The following LOC400499 variants were observed in gnomAD, a reference collection of about 807,000 sequenced individuals.
At chr16:11,395,547 C>A in the LOC400499 span, among the ~76,000 whole-genome samples, 1 of 152,166 alleles carries the variant, frequency 6.6e-6, no homozygotes. Flanking sequence ...GAAATGGCCA[C>A]GGCTGCTGAA....
chr16:11,399,459 C>T, the LOC400499 span: 3 of 400,570 alleles, frequency 7.5e-6, no homozygotes, highest in Non-Finnish European at 1.3e-5. Context: ...AGACGCTGCT[C>T]CCCTGACCTC....
the LOC400499 span, among the ~76,000 whole-genome samples, chr16:11,521,619 G>A: frequency 6.6e-6 from 1 of 152,168 alleles, no homozygotes; most frequent in Admixed American, 6.5e-5. Flanking sequence ...CACACCCTTG[G>A]ACTTGCAGAC....
At chr16:11,508,572 A>G in the LOC400499 span, 2 of 394,744 alleles carry the variant, frequency 5.1e-6, no homozygotes, top group Non-Finnish European at 4.5e-6. Flanking sequence ...ACAGCTGTGC[A>G]GTGCACAACC....
At chr16:11,411,331 GA>G in the LOC400499 span, 3 of 399,372 alleles carry the variant, frequency 7.5e-6, no homozygotes, top group Non-Finnish European at 1.3e-5. Flanking sequence ...CTCTTTGCTA[GA>G]AGGAAGGAAA....
the LOC400499 span, among the ~76,000 whole-genome samples, chr16:11,520,664 CAAAAAAAA>C: frequency 6.5e-4 from 41 of 63,150 alleles, no homozygotes; most frequent in Admixed American, 2.3e-3. Flanking sequence ...GAGACTCCAT[CAAAAAAAA>C]AAAAAAAAAA....
At chr16:11,386,711 C>T in the LOC400499 span, among the ~76,000 whole-genome samples, 4 of 152,348 alleles carry the variant, frequency 2.6e-5, no homozygotes, top group South Asian at 8.3e-4. Context: ...AAACCGAGTC[C>T]CACAGAGGTT....
the LOC400499 span, among the ~76,000 whole-genome samples, chr16:11,377,164 T>A: frequency 6.6e-6 from 1 of 152,198 alleles, no homozygotes; most frequent in Non-Finnish European, 1.5e-5. Context: ...ACTGTTAGCA[T>A]GTAGAAATGC....
At chr16:11,450,521 C>G in the LOC400499 span, 1 of 1,336,638 alleles carries the variant, frequency 7.5e-7, no homozygotes, top group Non-Finnish European at 1.0e-6. Context: ...TATCTGCCCA[C>G]AGACCTCAGC....
the LOC400499 span, among the ~76,000 whole-genome samples, chr16:11,480,539 G>A: frequency 2.0e-5 from 3 of 152,310 alleles, no homozygotes; most frequent in Middle Eastern, 0.01. Flanking sequence ...AAATGGTTAT[G>A]TAAACTGTGG....
At chr16:11,407,160 C>T in the LOC400499 span, 1 of 398,802 alleles carries the variant, frequency 2.5e-6, no homozygotes, top group Admixed American at 4.4e-5. Context: ...AGAGGCCCCC[C>T]ACCCCAGCGT....
At chr16:11,486,748 G>T in the LOC400499 span, among the ~76,000 whole-genome samples, 1 of 44,396 alleles carries the variant, frequency 2.3e-5, no homozygotes, top group Non-Finnish European at 3.6e-5. Context: ...TGGATAATGG[G>T]TGGGTGGGTG....
At chr16:11,495,632 G>A in the LOC400499 span, among the ~76,000 whole-genome samples, 4 of 152,126 alleles carry the variant, frequency 2.6e-5, no homozygotes, top group African/African-American at 9.6e-5. Context: ...TGCCCGCCTC[G>A]GTCTCCCAAA....
the LOC400499 span, among the ~76,000 whole-genome samples, chr16:11,482,700 G>A: frequency 6.6e-6 from 1 of 152,022 alleles, no homozygotes; most frequent in Non-Finnish European, 1.5e-5. Flanking sequence ...AGATCAGCCT[G>A]GGCAACACAG....
chr16:11,404,995 CAT>C, the LOC400499 span: 6 of 396,522 alleles, frequency 1.5e-5, no homozygotes, highest in Admixed American at 1.8e-4. Flanking sequence ...TGAATGGTGA[CAT>C]ATGTCAGGGG....
the LOC400499 span, among the ~76,000 whole-genome samples, chr16:11,454,091 T>G: frequency 5.3e-5 from 8 of 152,296 alleles, no homozygotes; most frequent in African/African-American, 1.9e-4. Context: ...TCCTAAAAGC[T>G]TCTAAGACAG....
the LOC400499 span, among the ~76,000 whole-genome samples, chr16:11,402,883 G>A: frequency 1.3e-5 from 2 of 152,058 alleles, no homozygotes; most frequent in African/African-American, 2.4e-5. Flanking sequence ...CATCCCTCTC[G>A]GGGGCCTCAC....
At chr16:11,441,693 G>C in the LOC400499 span, among the ~76,000 whole-genome samples, 2 of 152,196 alleles carry the variant, frequency 1.3e-5, no homozygotes, top group African/African-American at 4.8e-5. Context: ...AGGAGGGTCA[G>C]AGTCACACAG....
At chr16:11,392,332 C>G in the LOC400499 span, 1 of 398,956 alleles carries the variant, frequency 2.5e-6, no homozygotes, top group Non-Finnish European at 4.4e-6. Flanking sequence ...CATGGCCCAG[C>G]AGGCCCCCCT....
the LOC400499 span, chr16:11,485,169 G>T: frequency 5.0e-6 from 2 of 398,098 alleles, no homozygotes; most frequent in Non-Finnish European, 8.8e-6. Context: ...GACCCAGAAG[G>T]CTTGAGCACG....
Sources: gnomAD v4.1 joint callset for allele counts (sites outside exome capture counted in the v4.1 genomes callset) on GRCh38, gnomAD v4.1.1 for gene constraint, MANE v1.5 for transcripts.